PITPNB: variants seen among roughly 807,000 people sequenced by gnomAD.
PITPNB encodes the protein phosphatidylinositol transfer protein beta, also known as phosphatidylinositol transfer protein beta isoform.
In PITPNB, 16 loss-of-function variants were observed where a neutral mutation model predicts 45.9. The ratio of observed to expected loss-of-function variants is 0.35; its 90% CI spans 0.24 to 0.53. The LOEUF is 0.53. PITPNB is among the 20% of genes least tolerant of loss of function. PITPNB has a pLI of 0.93. For missense variants in PITPNB, 188 were observed against 330.5 expected (o/e 0.57, Z 3.34); for synonymous variants, 112 against 108.9 (o/e 1.03, Z -0.18).
At chr22:27,913,015 G>T (rs967852468) in intron 2 of PITPNB, among the ~76,000 whole-genome samples, 1 of 150,134 alleles carries the variant, frequency 6.7e-6, no homozygotes, top group African/African-American at 2.4e-5. Flanking sequence ...GTGGGGGGGG[G>T]AGTATAACAA....
chr22:27,875,399 G>A (rs1418104420), intron 7 of PITPNB, among the ~76,000 whole-genome samples: 1 of 152,250 alleles, frequency 6.6e-6, no homozygotes, highest in Non-Finnish European at 1.5e-5. Context: ...CAAAGCAGCA[G>A]AAAGATCAGT....
At chr22:27,914,380 C>T (rs954999931) in intron 1 of PITPNB, 33 bp from the exon 2 acceptor site, 9 of 1,343,606 alleles carry the variant, frequency 6.7e-6, no homozygotes, top group Admixed American at 1.7e-5. Flanking sequence ...ATATATATTA[C>T]ATATGAAATA....
At position 27,896,069 on chromosome 22, in the gene PITPNB, G is replaced by T. The variant is rs185549294; in HGVS notation, c.372+483C>A. ...GATAAATGTGAACCAACTTATATAAGTCAACAGCTTTTCAACATTTTTGTA... is the reference window on the plus strand; with the variant it reads ...GATAAATGTGAACCAACTTATATAATTCAACAGCTTTTCAACATTTTTGTA... On this transcript the variant is annotated intron_variant, in intron 6 of 11. Coordinates refer to ENST00000335272, the MANE Select transcript of PITPNB (RefSeq NM_012399.5). 4.3e-4 allele frequency among the ~76,000 whole-genome samples: 65 copies of T among 152,252 alleles called. No individual in the cohort carries two copies. The East Asian group carries it at 0.011, about 25-fold the overall frequency.
At chr22:27,872,246 A>G (rs1934688184) in intron 8 of PITPNB, among the ~76,000 whole-genome samples, 3 of 151,888 alleles carry the variant, frequency 2.0e-5, no homozygotes, top group Non-Finnish European at 4.4e-5. Flanking sequence ...CGCAAGCACC[A>G]TCGTGCCCAG....
intron 10 of PITPNB, among the ~76,000 whole-genome samples, chr22:27,856,429 C>T (rs1294891134): frequency 1.3e-5 from 2 of 152,190 alleles, no homozygotes; most frequent in East Asian, 1.9e-4. Context: ...AGGGTCACAG[C>T]GTGTTGAGGC....
chr22:27,856,152 T>C (rs1934165899), intron 10 of PITPNB, among the ~76,000 whole-genome samples: 1 of 152,208 alleles, frequency 6.6e-6, no homozygotes, highest in Non-Finnish European at 1.5e-5. Flanking sequence ...TTAAAATGTT[T>C]TTGAGATATT....
At position 27,892,493 on chromosome 22, in the gene PITPNB, G is replaced by T. The variant is rs116597880; in HGVS notation, c.456+2062C>A. On this transcript the variant is annotated intron_variant, in intron 7 of 11. Transcript: ENST00000335272. ...CATTTTCAAACACCAACAACATAAT[G>T]GGAATGCCTTCCCCAGGGCACCCGA... Among the ~76,000 whole-genome samples, 1,030 of 152,200 alleles carry T rather than the reference G, an allele frequency of 6.8e-3. 7 individuals are homozygous for T. Among genetic ancestry groups the T allele is most frequent in the African/African-American group, 0.023 (935 of 41,510 alleles).
chr22:27,904,033 A>G (rs1935688273), intron 3 of PITPNB, among the ~76,000 whole-genome samples: 1 of 152,184 alleles, frequency 6.6e-6, no homozygotes, highest in Admixed American at 6.5e-5. Context: ...TAACATTATA[A>G]AGTGGTGTAG....
intron 6 of PITPNB, among the ~76,000 whole-genome samples, chr22:27,896,066 T>C (rs552752444): frequency 6.6e-6 from 1 of 152,378 alleles, no homozygotes; most frequent in East Asian, 1.9e-4. Flanking sequence ...CCAACTTATA[T>C]AAGTCAACAG....
At chr22:27,904,514 C>T (rs1190872151) in intron 3 of PITPNB, among the ~76,000 whole-genome samples, 2 of 152,198 alleles carry the variant, frequency 1.3e-5, no homozygotes, top group African/African-American at 4.8e-5. Flanking sequence ...AGATTTCTTT[C>T]TGGATTGTTG....
intron 1 of PITPNB, among the ~76,000 whole-genome samples, chr22:27,918,800 C>G (rs932714556): frequency 1.3e-5 from 2 of 152,200 alleles, no homozygotes; most frequent in Non-Finnish European, 2.9e-5. Flanking sequence ...CTCTCCCACC[C>G]TCGGACTGCG....
At chr22:27,892,022 A>G (rs1470242658) in intron 7 of PITPNB, among the ~76,000 whole-genome samples, 1 of 152,206 alleles carries the variant, frequency 6.6e-6, no homozygotes, top group Non-Finnish European at 1.5e-5. Context: ...TTTTTAGTCA[A>G]AGCTCCATAC....
intron 3 of PITPNB, among the ~76,000 whole-genome samples, chr22:27,908,752 T>C (rs1935835137): frequency 6.6e-6 from 1 of 152,140 alleles, no homozygotes; most frequent in African/African-American, 2.4e-5. Context: ...CTTCTCTCAA[T>C]AGACATATTT....
chr22:27,906,388 G>A (rs924105886), intron 3 of PITPNB, among the ~76,000 whole-genome samples: 26 of 152,174 alleles, frequency 1.7e-4, no homozygotes, highest in African/African-American at 5.5e-4. Flanking sequence ...AGTAAGAGAT[G>A]GTGAAACCTG....
rs1934033177 is a variant in PITPNB, at chr22:27,851,997, T to C, written c.*1705A>G. The C allele has an allele frequency of 6.6e-6, 1 of 152,206 alleles. No individual in the cohort carries two copies. Among genetic ancestry groups the C allele is most frequent in the Non-Finnish European group, 1.5e-5 (1 of 68,038 alleles). The allele number at this position is 152,206 out of a possible 1,614,324, so 9.4% of individuals were successfully genotyped here. A position where few individuals can be genotyped will look rare whatever the true frequency, so the allele number is the denominator to read the frequency against. The stretch of plus-strand genomic sequence containing the variant: ...GATTATGCTCTGACAAAACCTATCT[T>C]ACAACAGTGCCCAGAGAGTAAACAT... On this transcript the variant is annotated 3_prime_UTR_variant, in exon 12 of 12. Coordinates refer to ENST00000335272, the MANE Select transcript of PITPNB (RefSeq NM_012399.5).
chr22:27,861,147 A>G (rs1028121703), intron 8 of PITPNB, among the ~76,000 whole-genome samples: 1 of 151,972 alleles, frequency 6.6e-6, no homozygotes, highest in Non-Finnish European at 1.5e-5. Context: ...CCTGGCCAAC[A>G]TGGTGAAATC....
chr22:27,861,744 T>C (rs146652605), intron 8 of PITPNB, among the ~76,000 whole-genome samples: 3 of 152,202 alleles, frequency 2.0e-5, no homozygotes, highest in African/African-American at 7.2e-5. Flanking sequence ...GCTTACAAGA[T>C]GATTAAAAGA....
At chr22:27,910,925 C>T in intron 3 of PITPNB, 39 bp downstream of exon 3, 6 of 1,548,324 alleles carry the variant, frequency 3.9e-6, no homozygotes, top group Non-Finnish European at 5.3e-6. Context: ...CATAAGTAAG[C>T]CAGGTAGTTA....
chr22:27,887,556 C>A (rs1333460762), intron 7 of PITPNB, among the ~76,000 whole-genome samples: 3 of 151,986 alleles, frequency 2.0e-5, no homozygotes, highest in Non-Finnish European at 1.5e-5. Flanking sequence ...ATATCCCCAC[C>A]CACCCCACCT....
Sources: gnomAD v4.1 joint callset for allele counts (sites outside exome capture counted in the v4.1 genomes callset) on GRCh38, gnomAD v4.1.1 for gene constraint, MANE v1.5 for transcripts, NCBI Gene and HGNC (gene_info 2026-07-23, HGNC 2026-07-21) for gene names.